GAS7: variants seen among roughly 807,000 people sequenced by gnomAD.
GAS7 encodes growth arrest specific 7.
In GAS7, 28 loss-of-function variants were observed where a neutral mutation model predicts 71.1. The ratio of observed to expected loss-of-function variants is 0.39; its 90% CI spans 0.29 to 0.54. The LOEUF (loss-of-function observed/expected upper bound fraction) is 0.54, where lower values mean the gene tolerates loss of function less well. Among genes scored for constraint, GAS7 ranks in the 20% least tolerant of loss-of-function variants. The pLI, the probability that GAS7 is intolerant of heterozygous loss-of-function variation, is 0.62. For synonymous variants in GAS7, 258 were observed against 245.8 expected (o/e 1.05, Z -0.46); for missense variants, 436 against 627.8 (o/e 0.69, Z 3.27).
intron 2 of GAS7, among the ~76,000 whole-genome samples, chr17:9,999,753 G>A (rs2071192495): frequency 1.3e-5 from 2 of 152,160 alleles, no homozygotes; most frequent in Non-Finnish European, 2.9e-5. Context: ...TGTAAAACAT[G>A]TATAGAAATT....
At chr17:9,994,205 A>G (rs1369049889) in intron 2 of GAS7, among the ~76,000 whole-genome samples, 2 of 151,176 alleles carry the variant, frequency 1.3e-5, no homozygotes, top group African/African-American at 2.4e-5. Flanking sequence ...GGAACCAAAA[A>G]AGAGCCCACA....
intron 7 of GAS7, among the ~76,000 whole-genome samples, chr17:9,942,909 T>C (rs369302243): frequency 2.0e-5 from 3 of 152,214 alleles, no homozygotes; most frequent in African/African-American, 7.2e-5. Flanking sequence ...TTTTTTTAAG[T>C]GTTGCTTTCA....
Position 9,919,547 on chromosome 17 carries a change from C to T in GAS7, c.1218+79G>A. On this transcript the variant is annotated intron_variant, in intron 12 of 13. Coordinates refer to ENST00000432992, the MANE Select transcript of GAS7 (RefSeq NM_201433.2). The surrounding 1 kb of genome is among the most constrained non-coding windows in gnomAD (Gnocchi z 5.0). ...CCAGGGTCACTCCACCCCATCATCCCCGCGCCCACCAACAACCACCAGGGG... is the reference window on the plus strand; with the variant it reads ...CCAGGGTCACTCCACCCCATCATCCTCGCGCCCACCAACAACCACCAGGGG... 1 of 1,013,560 alleles carries T rather than the reference C, an allele frequency of 9.9e-7. No individual in the cohort carries two copies. The highest frequency in any genetic ancestry group is 2.4e-5 in the East Asian group (1 of 42,212). The allele number at this position is 1,013,560 out of a possible 1,614,324, so 62.8% of individuals were successfully genotyped here.
At chr17:10,177,979 C>T (rs1358130508) in intron 1 of GAS7, among the ~76,000 whole-genome samples, 1 of 152,070 alleles carries the variant, frequency 6.6e-6, no homozygotes, top group East Asian at 1.9e-4. Context: ...TAGGCACCTC[C>T]GAGAGCAAAG....
At chr17:10,059,915 C>G (rs567668212) in intron 1 of GAS7, 1 of 592,754 alleles carries the variant, frequency 1.7e-6, no homozygotes, top group African/African-American at 2.0e-5. Context: ...ATTCTGCAAT[C>G]GGGAAAGCAT....
chr17:10,066,750 C>T (rs1303778838), intron 1 of GAS7, among the ~76,000 whole-genome samples: 2 of 152,120 alleles, frequency 1.3e-5, no homozygotes, highest in African/African-American at 4.8e-5. Flanking sequence ...TGCAGGACAT[C>T]AGGACAGCCT....
intron 1 of GAS7, among the ~76,000 whole-genome samples, chr17:10,031,126 G>C (rs563613195): frequency 7.0e-4 from 106 of 152,328 alleles, no homozygotes; most frequent in Non-Finnish European, 1.0e-3. Flanking sequence ...TGAACCACTT[G>C]GGACACTCCA....
intron 2 of GAS7, among the ~76,000 whole-genome samples, chr17:10,013,802 A>G (rs2071880401): frequency 6.6e-6 from 1 of 152,132 alleles, no homozygotes; most frequent in Non-Finnish European, 1.5e-5. Flanking sequence ...CTTTGATGAC[A>G]TTACCTTCTC....
In GAS7 at chr17:9,916,161, C is replaced by T. The variant is rs1391826716; in HGVS notation, c.*1067G>A. The T allele has an allele frequency of 4.3e-6, 1 of 233,038 alleles. No individual in the cohort carries two copies. Among genetic ancestry groups the T allele is most frequent in the Non-Finnish European group, 8.5e-6 (1 of 118,016 alleles). The allele number at this position is 233,038 out of a possible 1,614,324, so 14.4% of individuals were successfully genotyped here. A position where few individuals can be genotyped will look rare whatever the true frequency, so the allele number is the denominator to read the frequency against. ...TGTACAAGGGACAGCAGTCCCAGCC[C>T]TGCCATACACAAGAAGACAGAGCCA... On this transcript the variant is annotated 3_prime_UTR_variant, in exon 14 of 14. Transcript: ENST00000432992.
chr17:9,934,091 G>C, intron 9 of GAS7, 75 bp downstream of exon 9: 2 of 984,454 alleles, frequency 2.0e-6, no homozygotes, highest in Non-Finnish European at 3.3e-6. Flanking sequence ...CGGCAAACTG[G>C]AGAGACAGTT....
At chr17:10,101,513 G>A (rs1281725505) in intron 1 of GAS7, among the ~76,000 whole-genome samples, 2 of 152,212 alleles carry the variant, frequency 1.3e-5, no homozygotes, top group African/African-American at 4.8e-5. Context: ...AGGAGGCAGG[G>A]AGCACAGAAA....
At chr17:10,079,257 T>G (rs952601452) in intron 1 of GAS7, among the ~76,000 whole-genome samples, 3 of 152,190 alleles carry the variant, frequency 2.0e-5, no homozygotes, top group Non-Finnish European at 4.4e-5. Context: ...ATTACTTTGA[T>G]AAAAATAAAC....
At position 10,143,058 on chromosome 17, in the gene GAS7, T is replaced by C. The variant is rs1404363498; in HGVS notation, c.183+55150A>G. Among the ~76,000 whole-genome samples, 5 of 148,606 alleles carry C rather than the reference T, an allele frequency of 3.4e-5. No individual in the cohort carries two copies. The East Asian group carries it at 8.2e-4, about 24-fold the overall frequency. On this transcript the variant is annotated intron_variant, in intron 1 of 13. Transcript: ENST00000432992. ...TTAGCCAGGCATAATGGTGGGTGCC[T>C]GTAATCCCAGCTACCTGGGAGGCTG...
chr17:9,916,455 G>A lies in GAS7; in HGVS notation c.*773C>T, dbSNP rs1464979100. On this transcript the variant is annotated 3_prime_UTR_variant, in exon 14 of 14. Coordinates refer to ENST00000432992, the MANE Select transcript of GAS7 (RefSeq NM_201433.2). Reference sequence around the variant, plus strand: ...CTAATGAGACTGGGAAGGGCTGGCAGGGTGGGGGCAGGGGCCTCCCCGAGG... The same window carrying A: ...CTAATGAGACTGGGAAGGGCTGGCAAGGTGGGGGCAGGGGCCTCCCCGAGG... 1.3e-5 allele frequency: 3 copies of A among 234,182 alleles called. No individual in the cohort carries two copies. Among genetic ancestry groups the A allele is most frequent in the African/African-American group, 6.6e-5 (3 of 45,398 alleles). The allele number at this position is 234,182 out of a possible 1,614,324, so 14.5% of individuals were successfully genotyped here. A position where few individuals can be genotyped will look rare whatever the true frequency, so the allele number is the denominator to read the frequency against.
chr17:9,978,895 G>A (rs924532422), intron 3 of GAS7, among the ~76,000 whole-genome samples: 2 of 152,052 alleles, frequency 1.3e-5, no homozygotes, highest in Non-Finnish European at 2.9e-5. Context: ...TCCCCACCTC[G>A]GCACTAGTAA....
chr17:9,992,597 T>A (rs9891239), intron 2 of GAS7, among the ~76,000 whole-genome samples: 3,431 of 150,778 alleles, frequency 0.023, 53 homozygotes, highest in East Asian at 0.048. Context: ...TTATTTTTTT[T>A]AATTAATTAA....
intron 9 of GAS7, among the ~76,000 whole-genome samples, chr17:9,927,903 G>A (rs2068068041): frequency 6.6e-6 from 1 of 152,136 alleles, no homozygotes; most frequent in Admixed American, 6.5e-5. Context: ...TTGCTGGGCT[G>A]CCTGGAGCAC....
intron 8 of GAS7, among the ~76,000 whole-genome samples, chr17:9,935,776 C>G (rs1172112761): frequency 6.6e-6 from 1 of 152,182 alleles, no homozygotes; most frequent in African/African-American, 2.4e-5. Flanking sequence ...CAGGGGAAGC[C>G]ACCAGAGAAG....
At chr17:10,061,844 G>A (rs999951299) in intron 1 of GAS7, among the ~76,000 whole-genome samples, 2 of 152,146 alleles carry the variant, frequency 1.3e-5, no homozygotes, top group African/African-American at 4.8e-5. Context: ...GTTTCTAGGG[G>A]AACAATATGG....
Sources: allele counts gnomAD v4.1 joint callset (sites outside exome capture counted in the v4.1 genomes callset), GRCh38; gene constraint gnomAD v4.1.1; non-coding constraint Gnocchi (gnomAD v3.1); transcripts MANE v1.5; gene names NCBI Gene and HGNC (gene_info 2026-07-23, HGNC 2026-07-21).